The following CDH4 variants were observed in gnomAD, a reference collection of about 807,000 sequenced individuals.
CDH4 encodes the protein cadherin 4.
CDH4 carries 33 observed loss-of-function variants against 86.0 expected under a neutral mutation model. That is an observed-to-expected ratio of 0.38 (90% CI 0.29 to 0.51). The LOEUF is 0.51. CDH4 is among the 20% of genes least tolerant of loss of function. The pLI, the probability that CDH4 is intolerant of heterozygous loss-of-function variation, is 0.86. For synonymous variants in CDH4, 555 were observed against 549.4 expected (o/e 1.01, Z -0.14); for missense variants, 1,114 against 1,307.4 (o/e 0.85, Z 2.28).
At chr20:61,382,378 G>A (rs1235093443) in intron 2 of CDH4, among the ~76,000 whole-genome samples, 1 of 152,170 alleles carries the variant, frequency 6.6e-6, no homozygotes, top group African/African-American at 2.4e-5. Context: ...AAGAGGAAAG[G>A]TGGGTGAAAC....
At chr20:61,589,777 C>T (rs2086503959) in intron 2 of CDH4, among the ~76,000 whole-genome samples, 1 of 151,640 alleles carries the variant, frequency 6.6e-6, no homozygotes, top group South Asian at 2.1e-4. Flanking sequence ...ATTTAACTAA[C>T]CTGCACATTG....
At chr20:61,638,651 G>A (rs2086973838) in intron 2 of CDH4, among the ~76,000 whole-genome samples, 1 of 152,202 alleles carries the variant, frequency 6.6e-6, no homozygotes, top group Admixed American at 6.5e-5. Flanking sequence ...GAGGCACAAT[G>A]TGCACGTAAA....
chr20:61,715,430 G>T (rs2087942356), intron 2 of CDH4, among the ~76,000 whole-genome samples: 1 of 152,112 alleles, frequency 6.6e-6, no homozygotes, highest in Non-Finnish European at 1.5e-5. Flanking sequence ...CCTGGTGTGG[G>T]CCCTCCTGCT....
At chr20:61,918,286 A>T (rs1403416361) in intron 9 of CDH4, among the ~76,000 whole-genome samples, 2 of 152,234 alleles carry the variant, frequency 1.3e-5, no homozygotes, top group Admixed American at 1.3e-4. Flanking sequence ...TCAGGCTTGC[A>T]GTCAGCTTGG....
At chr20:61,692,103 CTGTGTGTATGCA>C (rs2087662149) in intron 2 of CDH4, among the ~76,000 whole-genome samples, 2 of 149,112 alleles carry the variant, frequency 1.3e-5, no homozygotes, top group African/African-American at 5.1e-5. Context: ...ATGTGTGTGT[CTGTGTGTATGCA>C]TGTGTGTGTC....
rs371995342 is a variant in CDH4, at chr20:61,911,160, G to C, written c.1374+553G>C. ...CCTGAATGTTTCGTCACACTGTGCT[G>C]TGAAGCCATTGAGTAGCTGTAGATT... On this transcript the variant is annotated intron_variant, in intron 9 of 15. Transcript: ENST00000614565. Among the ~76,000 whole-genome samples the C allele has an allele frequency of 1.5e-4, 23 of 152,224 alleles. 1 individual carries two copies. Among genetic ancestry groups the C allele is most frequent in the Admixed American group, 1.3e-3 (20 of 15,282 alleles).
Position 61,269,982 on chromosome 20 carries a change from A to T in CDH4, c.169+15045A>T, listed in dbSNP as rs2123136224. ...GGGCCGGCCGACCTTTGCGGCAGTCATTTTTCCATCAGAAGGTGGCTTGAT... is the reference window on the plus strand; with the variant it reads ...GGGCCGGCCGACCTTTGCGGCAGTCTTTTTTCCATCAGAAGGTGGCTTGAT... On this transcript the variant is annotated intron_variant, in intron 2 of 15. Coordinates refer to ENST00000614565, the MANE Select transcript of CDH4 (RefSeq NM_001794.5). This position sits in a 1 kb window ranked among gnomAD's most constrained non-coding sequence, Gnocchi z 5.3. Among the ~76,000 whole-genome samples, 1 of 152,226 alleles carries T rather than the reference A, an allele frequency of 6.6e-6. No individual in the cohort carries two copies. The highest frequency in any genetic ancestry group is 1.9e-4 in the East Asian group (1 of 5,180).
At chr20:61,628,335 A>G (rs2086851744) in intron 2 of CDH4, among the ~76,000 whole-genome samples, 1 of 145,864 alleles carries the variant, frequency 6.9e-6, no homozygotes, top group Non-Finnish European at 1.5e-5. Flanking sequence ...GGGCACCCCC[A>G]CCCCTGTGCT....
At chr20:61,522,127 C>T (rs911170731) in intron 2 of CDH4, among the ~76,000 whole-genome samples, 5 of 152,212 alleles carry the variant, frequency 3.3e-5, no homozygotes, top group African/African-American at 9.7e-5. Context: ...GTGACAGTGG[C>T]GTGGGCTCCT....
intron 5 of CDH4, among the ~76,000 whole-genome samples, chr20:61,850,875 A>G (rs1040574688): frequency 6.6e-6 from 1 of 152,244 alleles, no homozygotes; most frequent in African/African-American, 2.4e-5. Flanking sequence ...AGGGAGTGGG[A>G]CAAGGAGGAC....
At chr20:61,702,548 C>T (rs532175750) in intron 2 of CDH4, among the ~76,000 whole-genome samples, 17 of 152,336 alleles carry the variant, frequency 1.1e-4, no homozygotes, top group African/African-American at 4.1e-4. Context: ...GCAATTCATT[C>T]TTCTGAAGCG....
intron 2 of CDH4, among the ~76,000 whole-genome samples, chr20:61,672,743 G>T (rs1436384652): frequency 6.6e-6 from 1 of 152,158 alleles, no homozygotes; most frequent in African/African-American, 2.4e-5. Flanking sequence ...TCTTCACTGG[G>T]AGGGGTGGGA....
chr20:61,411,323 C>T (rs796763576), intron 2 of CDH4, among the ~76,000 whole-genome samples: 23 of 148,794 alleles, frequency 1.5e-4, no homozygotes, highest in African/African-American at 5.2e-4. Context: ...ACTGAGCATC[C>T]ACCTCTGGGT....
At chr20:61,443,966 A>ACCTG (rs2085327983) in intron 2 of CDH4, among the ~76,000 whole-genome samples, 1 of 147,214 alleles carries the variant, frequency 6.8e-6, no homozygotes, top group African/African-American at 2.5e-5. Context: ...CTGTGTGTGT[A>ACCTG]TCTGTGTGTG....
intron 2 of CDH4, among the ~76,000 whole-genome samples, chr20:61,500,349 T>G (rs536791362): frequency 1.3e-5 from 2 of 152,362 alleles, no homozygotes; most frequent in African/African-American, 2.4e-5. Context: ...CGTTCGGAAT[T>G]GCAGCGTGAA....
At chr20:61,606,419 C>G (rs2086646063) in intron 2 of CDH4, among the ~76,000 whole-genome samples, 1 of 152,232 alleles carries the variant, frequency 6.6e-6, no homozygotes, top group South Asian at 2.1e-4. Flanking sequence ...AGTGGGGGAG[C>G]TGGGATTTGA....
intron 7 of CDH4, among the ~76,000 whole-genome samples, chr20:61,876,650 G>C: frequency 6.6e-6 from 1 of 152,076 alleles, no homozygotes; most frequent in East Asian, 1.9e-4. Flanking sequence ...GATAAGCTGG[G>C]GATCTAAAGG....
In CDH4 at chr20:61,377,656, C is replaced by T. The variant is rs192184554; in HGVS notation, c.169+122719C>T. 1.3e-5 allele frequency among the ~76,000 whole-genome samples: 2 copies of T among 152,206 alleles called. No homozygotes were observed. Among genetic ancestry groups the T allele is most frequent in the African/African-American group, 4.8e-5 (2 of 41,454 alleles). On this transcript the variant is annotated intron_variant, in intron 2 of 15. Coordinates refer to ENST00000614565, the MANE Select transcript of CDH4 (RefSeq NM_001794.5). This position sits in a 1 kb window ranked among gnomAD's most constrained non-coding sequence, Gnocchi z 4.0. ...TATCTGAAGAACGTGAACCAGATCCCCAGAAAGAACATCCCTTTCAAAACC... is the reference window on the plus strand; with the variant it reads ...TATCTGAAGAACGTGAACCAGATCCTCAGAAAGAACATCCCTTTCAAAACC...
intron 2 of CDH4, among the ~76,000 whole-genome samples, chr20:61,355,397 C>G (rs1032379200): frequency 6.6e-6 from 1 of 152,178 alleles, no homozygotes; most frequent in Non-Finnish European, 1.5e-5. Flanking sequence ...GTGACCTCGG[C>G]AGGACTGAAG....
Sources: gnomAD v4.1 joint callset for allele counts (sites outside exome capture counted in the v4.1 genomes callset) on GRCh38, gnomAD v4.1.1 for gene constraint, Gnocchi (gnomAD v3.1) non-coding constraint, MANE v1.5 for transcripts, NCBI Gene and HGNC (gene_info 2026-07-23, HGNC 2026-07-21) for gene names.